Variants in USP4 observed in about 807,000 individuals in gnomAD.
USP4 encodes ubiquitin carboxyl-terminal hydrolase 4.
In USP4, 72 loss-of-function variants were observed where a neutral mutation model predicts 118.2. The observed-to-expected ratio is 0.61, with a 90% CI of 0.50 to 0.74. USP4 has a LOEUF of 0.74. Among genes scored for constraint, USP4 ranks in the 30% least tolerant of loss-of-function variants. The probability of loss-of-function intolerance (pLI) is 0.00; values close to 1 mark genes in which losing one functional copy is unlikely to be tolerated. For missense variants in USP4, 1,037 were observed against 1,185.7 expected, an observed-to-expected ratio of 0.87 and a Z score of 1.84; for synonymous variants, 415 against 440.4, an observed-to-expected ratio of 0.94 and a Z score of 0.72.
intron 15 of USP4, among the ~76,000 whole-genome samples, chr3:49,290,258 T>C (rs2107770952): frequency 6.6e-6 from 1 of 152,108 alleles, no homozygotes; most frequent in East Asian, 1.9e-4. Context: ...CTACTAAAAA[T>C]ACAAAACTAG....
At position 49,317,297 on chromosome 3, in the gene USP4, A is replaced by G. The variant is rs114339538; in HGVS notation, c.696-5643T>C. On this transcript the variant is annotated intron_variant, in intron 6 of 21. Transcript: ENST00000265560. ...ACGCGGGCCAGCTTCTCGTTGACGC[A>G]GGCCAGCTTCTCTGTCAGCTGCCTC... 6,960 of 1,479,838 alleles carry G rather than the reference A, an allele frequency of 4.7e-3. 279 individuals are homozygous for G. In the African/African-American group the frequency reaches 0.086, roughly 18 times the overall value. The allele number at this position is 1,479,838 out of a possible 1,614,324, so 91.7% of individuals were successfully genotyped here.
intron 6 of USP4, among the ~76,000 whole-genome samples, chr3:49,313,154 G>A (rs2047404088): frequency 6.6e-6 from 1 of 152,114 alleles, no homozygotes; most frequent in African/African-American, 2.4e-5. Flanking sequence ...GCCTCCCAAA[G>A]TGCTGGGATT....
intron 2 of USP4, among the ~76,000 whole-genome samples, chr3:49,333,720 A>G (rs1400424879): frequency 6.6e-6 from 1 of 152,178 alleles, no homozygotes; most frequent in African/African-American, 2.4e-5. Context: ...ATGATGCCCC[A>G]AAACAATTAC....
At chr3:49,303,314 A>G (rs2107781593) in intron 9 of USP4, among the ~76,000 whole-genome samples, 1 of 151,950 alleles carries the variant, frequency 6.6e-6, no homozygotes, top group Admixed American at 6.6e-5. Context: ...GGTGGTGCAC[A>G]CCTGTAATCC....
chr3:49,291,360 A>C (rs1438421817), intron 15 of USP4, among the ~76,000 whole-genome samples: 2 of 150,196 alleles, frequency 1.3e-5, no homozygotes, highest in African/African-American at 4.9e-5. Context: ...GTGAATCATG[A>C]GGTCAGGAGT....
chr3:49,310,464 T>C (rs759127439), intron 8 of USP4, among the ~76,000 whole-genome samples, 156 bp downstream of exon 8: 5 of 152,206 alleles, frequency 3.3e-5, no homozygotes, highest in Non-Finnish European at 5.9e-5. Flanking sequence ...AGCCATTCTA[T>C]ACCACCTAGT....
intron 1 of USP4, among the ~76,000 whole-genome samples, chr3:49,337,451 T>C (rs2047680487): frequency 6.6e-6 from 1 of 152,062 alleles, no homozygotes; most frequent in Admixed American, 6.6e-5. Flanking sequence ...ACCTATTTAT[T>C]TCCTTAGAGA....
chr3:49,323,118 C>T (rs896795238), intron 6 of USP4, among the ~76,000 whole-genome samples: 2 of 151,596 alleles, frequency 1.3e-5, no homozygotes, highest in African/African-American at 4.8e-5. Flanking sequence ...CAGATATGCA[C>T]CACCACGCCT....
At chr3:49,318,276 A>G in intron 6 of USP4, 4 of 977,028 alleles carry the variant, frequency 4.1e-6, no homozygotes, top group Non-Finnish European at 4.9e-6. Context: ...AGCTACAATA[A>G]ACTCTTAACA....
chr3:49,335,886 C>A (rs561363053), intron 1 of USP4, among the ~76,000 whole-genome samples: 1 of 151,978 alleles, frequency 6.6e-6, no homozygotes, highest in Non-Finnish European at 1.5e-5. Context: ...TTCTTTTAGA[C>A]GGAGTCTTGT....
chr3:49,320,849 TG>T (rs1280247414), intron 6 of USP4, among the ~76,000 whole-genome samples: 1 of 152,178 alleles, frequency 6.6e-6, no homozygotes, highest in African/African-American at 2.4e-5. Context: ...TTTGCAGGTG[TG>T]GCAGTTTGCT....
chr3:49,311,374 G>T, intron 7 of USP4, 140 bp downstream of exon 7: 1 of 895,116 alleles, frequency 1.1e-6, no homozygotes, highest in Non-Finnish European at 1.7e-6. Flanking sequence ...GGTATGAAAT[G>T]GAGTGAGAAA....
intron 10 of USP4, among the ~76,000 whole-genome samples, chr3:49,301,141 A>G (rs1325496682): frequency 6.6e-6 from 1 of 151,834 alleles, no homozygotes; most frequent in Admixed American, 6.6e-5. Context: ...GGGTCTTACT[A>G]TGTTGACCAG....
intron 6 of USP4, among the ~76,000 whole-genome samples, chr3:49,314,280 A>G (rs773392478): frequency 1.1e-4 from 17 of 152,320 alleles, no homozygotes; most frequent in Middle Eastern, 3.4e-3. Context: ...TTGCTCCACA[A>G]TGCAGTCACA....
chr3:49,281,681 T>C (rs992509295), intron 19 of USP4, among the ~76,000 whole-genome samples: 2 of 149,300 alleles, frequency 1.3e-5, no homozygotes, highest in Non-Finnish European at 3.0e-5. Context: ...GCCATTGCAC[T>C]TCAGCCTGGG....
At chr3:49,332,880 A>G (rs73086115) in intron 2 of USP4, among the ~76,000 whole-genome samples, 7 of 152,096 alleles carry the variant, frequency 4.6e-5, no homozygotes, top group Non-Finnish European at 8.8e-5. Context: ...TGCAAAAAAT[A>G]CAATAATTAG....
intron 1 of USP4, among the ~76,000 whole-genome samples, chr3:49,339,142 C>T (rs568450805): frequency 6.6e-6 from 1 of 152,270 alleles, no homozygotes; most frequent in Admixed American, 6.5e-5. Context: ...AGTGAAACTC[C>T]ATCTCAAAAC....
intron 8 of USP4, among the ~76,000 whole-genome samples, chr3:49,309,920 C>CCTGGCCAGAACATGGTGATT (rs2047364585): frequency 8.5e-6 from 1 of 118,218 alleles, no homozygotes; most frequent in Non-Finnish European, 1.7e-5. Context: ...AGCCACAGTG[C>CCTGGCCAGAACATGGTGATT]TGCCCCCGGA....
chr3:49,315,689 T>G (rs183268065), intron 6 of USP4, among the ~76,000 whole-genome samples: 2 of 152,268 alleles, frequency 1.3e-5, no homozygotes, highest in Non-Finnish European at 2.9e-5. Context: ...TTTCTACTGG[T>G]AAGTCCTGCT....
Sources: gnomAD v4.1 joint callset for allele counts (sites outside exome capture counted in the v4.1 genomes callset) on GRCh38, gnomAD v4.1.1 for gene constraint, MANE v1.5 for transcripts, NCBI Gene and HGNC (gene_info 2026-07-23, HGNC 2026-07-21) for gene names.